Variants in DNAJC1 observed in about 807,000 individuals in gnomAD.
DNAJC1 encodes the protein DnaJ heat shock protein family (Hsp40) member C1.
In DNAJC1, 58 loss-of-function variants were observed where a neutral mutation model predicts 76.6. That is an observed-to-expected ratio of 0.76 (90% CI 0.61 to 0.94). DNAJC1 has a LOEUF of 0.94. Among genes scored for constraint, DNAJC1 ranks in the 40% least tolerant of loss-of-function variants. The pLI is 0.00. For missense variants in DNAJC1, 689 were observed against 677.3 expected, an observed-to-expected ratio of 1.02 and a Z score of -0.19; for synonymous variants, 258 against 267.9, an observed-to-expected ratio of 0.96 and a Z score of 0.36.
intron 8 of DNAJC1, among the ~76,000 whole-genome samples, chr10:21,864,871 A>G (rs1160707341): frequency 6.6e-6 from 1 of 152,136 alleles, no homozygotes; most frequent in Admixed American, 6.5e-5. Flanking sequence ...TTTATATAAC[A>G]AACTCTTAAA....
chr10:21,844,692 G>GTATTAAAGATA (rs1439947607), intron 8 of DNAJC1, among the ~76,000 whole-genome samples: 1 of 151,938 alleles, frequency 6.6e-6, no homozygotes, highest in Non-Finnish European at 1.5e-5. Context: ...ATTAGAATAG[G>GTATTAAAGATA]TATTAAAGAT....
intron 3 of DNAJC1, among the ~76,000 whole-genome samples, chr10:21,924,709 T>C (rs1234932979): frequency 6.6e-6 from 1 of 152,140 alleles, no homozygotes; most frequent in Non-Finnish European, 1.5e-5. Flanking sequence ...ATAATGACAG[T>C]CACTGGGTCT....
At chr10:21,828,409 A>T (rs1263485611) in intron 8 of DNAJC1, among the ~76,000 whole-genome samples, 2 of 152,232 alleles carry the variant, frequency 1.3e-5, no homozygotes, top group Non-Finnish European at 2.9e-5. Flanking sequence ...AAATTAAGGT[A>T]TTATTTTCAT....
At chr10:21,838,184 G>A (rs1457824864) in intron 8 of DNAJC1, among the ~76,000 whole-genome samples, 3 of 152,206 alleles carry the variant, frequency 2.0e-5, no homozygotes, top group Non-Finnish European at 4.4e-5. Flanking sequence ...GAATAGAAAA[G>A]GGGGAAATGT....
At chr10:21,917,106 T>C (rs936868927) in intron 6 of DNAJC1, among the ~76,000 whole-genome samples, 1 of 152,058 alleles carries the variant, frequency 6.6e-6, no homozygotes, top group African/African-American at 2.4e-5. Context: ...GTAAAAACTT[T>C]AAAATTCAAA....
At chr10:21,910,731 G>A (rs1679532257) in intron 6 of DNAJC1, among the ~76,000 whole-genome samples, 1 of 151,370 alleles carries the variant, frequency 6.6e-6, no homozygotes, top group South Asian at 2.1e-4. Context: ...CCTAGGTGAT[G>A]GGTATTAAGC....
At chr10:21,842,090 A>C (rs1408166985) in intron 8 of DNAJC1, among the ~76,000 whole-genome samples, 1 of 104,958 alleles carries the variant, frequency 9.5e-6, no homozygotes, top group African/African-American at 3.8e-5. Context: ...CACACCTGGG[A>C]CTGTTGTGGG....
At chr10:21,879,009 A>G (rs948568183) in intron 8 of DNAJC1, among the ~76,000 whole-genome samples, 1 of 152,228 alleles carries the variant, frequency 6.6e-6, no homozygotes, top group East Asian at 1.9e-4. Context: ...AATAGAGGAA[A>G]TCATACTCAA....
At chr10:21,785,599 C>T (rs1834595117) in intron 9 of DNAJC1, 1 of 152,130 alleles carries the variant, frequency 6.6e-6, no homozygotes, top group Admixed American at 6.5e-5. Context: ...AAAAATAAAA[C>T]TGTCTTTGTT....
At chr10:21,904,434 T>C (rs1320624491) in intron 7 of DNAJC1, 88 bp downstream of exon 7, 2 of 885,352 alleles carry the variant, frequency 2.3e-6, no homozygotes, top group African/African-American at 3.5e-5. Context: ...AACCAGAAAA[T>C]TTAATTACTG....
chr10:21,917,073 G>A (rs953712804), intron 6 of DNAJC1, among the ~76,000 whole-genome samples: 1 of 151,898 alleles, frequency 6.6e-6, no homozygotes. Context: ...AAAACCGAAA[G>A]GCCAGCAGAT....
chr10:21,879,605 C>T (rs547919666), intron 8 of DNAJC1, among the ~76,000 whole-genome samples: 91 of 152,138 alleles, frequency 6.0e-4, no homozygotes, highest in African/African-American at 2.1e-3. Context: ...GCCTGGGCGA[C>T]AGAGAGAGAC....
chr10:21,948,239 A>C lies in DNAJC1; in HGVS notation c.223-19098T>G, dbSNP rs868522353. Among the ~76,000 whole-genome samples, 7 of 152,150 alleles carry C rather than the reference A, an allele frequency of 4.6e-5. No individual in the cohort carries two copies. The Middle Eastern group carries it at 0.014, about 296-fold the overall frequency. The stretch of plus-strand genomic sequence containing the variant: ...CCAAGTAGCTGGGATTACAGGCATG[A>C]GCCACCACGCCTGGCCCAACTTGCA... On this transcript the variant is annotated intron_variant, in intron 1 of 11. Transcript: ENST00000376980.
At chr10:21,936,041 G>A (rs1837306468) in intron 1 of DNAJC1, among the ~76,000 whole-genome samples, 1 of 152,150 alleles carries the variant, frequency 6.6e-6, no homozygotes, top group Non-Finnish European at 1.5e-5. Flanking sequence ...ATAATGCTGT[G>A]GTCTGAATGT....
chr10:21,802,232 A>G (rs918498367), intron 9 of DNAJC1, among the ~76,000 whole-genome samples: 1 of 152,186 alleles, frequency 6.6e-6, no homozygotes, highest in African/African-American at 2.4e-5. Context: ...AAACTGGTAC[A>G]GCGGCAGTGA....
intron 9 of DNAJC1, among the ~76,000 whole-genome samples, chr10:21,782,821 T>A (rs906661598): frequency 2.0e-5 from 3 of 152,216 alleles, no homozygotes; most frequent in Non-Finnish European, 2.9e-5. Context: ...TCTCAATAGA[T>A]GCAGAAAGGC....
intron 1 of DNAJC1, among the ~76,000 whole-genome samples, chr10:21,966,833 G>A (rs887900090): frequency 5.9e-5 from 9 of 151,318 alleles, no homozygotes; most frequent in South Asian, 2.1e-4. Flanking sequence ...TTACAGGCAC[G>A]TGCCACCACA....
intron 3 of DNAJC1, among the ~76,000 whole-genome samples, chr10:21,927,703 A>G (rs745314867): frequency 1.3e-5 from 2 of 151,912 alleles, no homozygotes; most frequent in African/African-American, 2.4e-5. Context: ...TGTTTTAGTT[A>G]TGTGTGTGTG....
At chr10:21,913,991 T>C (rs963620322) in intron 6 of DNAJC1, among the ~76,000 whole-genome samples, 10 of 152,182 alleles carry the variant, frequency 6.6e-5, no homozygotes, top group African/African-American at 2.4e-4. Context: ...TCCTCTCCAG[T>C]GTTCTCTCAT....
Sources: allele counts gnomAD v4.1 joint callset (sites outside exome capture counted in the v4.1 genomes callset), GRCh38; gene constraint gnomAD v4.1.1; transcripts MANE v1.5; gene names NCBI Gene and HGNC (gene_info 2026-07-23, HGNC 2026-07-21).